Variants in LINGO2 observed in about 807,000 individuals in gnomAD.
LINGO2 encodes the protein leucine-rich repeat and immunoglobulin-like domain-containing nogo receptor-interacting protein 2.
A neutral mutation model predicts 30.6 loss-of-function variants in LINGO2; 14 were observed. That is an observed-to-expected ratio of 0.46 (90% CI 0.30 to 0.72). LINGO2 has a LOEUF of 0.72. Among genes scored for constraint, LINGO2 ranks in the 30% least tolerant of loss-of-function variants. The pLI is 0.07. For synonymous variants in LINGO2, 317 were observed against 288.5 expected (o/e 1.10, Z -1.00); for missense variants, 729 against 751.7 (o/e 0.97, Z 0.35).
intron 2 of LINGO2, among the ~76,000 whole-genome samples, chr9:28,434,204 T>C (rs1418215717): frequency 1.3e-5 from 2 of 151,292 alleles, no homozygotes; most frequent in African/African-American, 4.9e-5. Flanking sequence ...CTATGGGTTG[T>C]GGGAAGAGAG....
chr9:28,861,333 A>G, the LINGO2 span, among the ~76,000 whole-genome samples: 1 of 131,460 alleles, frequency 7.6e-6, no homozygotes, highest in Non-Finnish European at 1.6e-5. Context: ...TATATAATAT[A>G]TATTATTAAT....
intron 2 of LINGO2, among the ~76,000 whole-genome samples, chr9:28,386,514 C>T (rs559253105): frequency 1.3e-5 from 2 of 152,144 alleles, no homozygotes; most frequent in East Asian, 3.9e-4. Context: ...AGGGAATGTT[C>T]ATTATTCTGT....
intron 1 of LINGO2, among the ~76,000 whole-genome samples, chr9:28,540,086 C>G (rs773289603): frequency 6.6e-6 from 1 of 152,058 alleles, no homozygotes; most frequent in Non-Finnish European, 1.5e-5. Flanking sequence ...TAAAAGACAT[C>G]GCACAACTCT....
the LINGO2 span, among the ~76,000 whole-genome samples, chr9:28,750,299 T>C: frequency 1.3e-5 from 2 of 152,186 alleles, no homozygotes; most frequent in African/African-American, 4.8e-5. Context: ...CCCAGTCCCA[T>C]ATTCTGCAGA....
the LINGO2 span, among the ~76,000 whole-genome samples, chr9:29,125,718 C>T: frequency 1.4e-4 from 21 of 152,134 alleles, no homozygotes; most frequent in South Asian, 3.3e-3. Context: ...ATTAATTAAA[C>T]TGTGGAAGAC....
In LINGO2 at chr9:28,047,778, T is replaced by C. The variant is rs796166371; in HGVS notation, c.-86-35373A>G. Reference sequence around the variant, plus strand: ...AAAAGCAATAGAACACTTAAAATTATACTGAACAAGAAAAGAGCAAAGTAT... The same window carrying C: ...AAAAGCAATAGAACACTTAAAATTACACTGAACAAGAAAAGAGCAAAGTAT... On this transcript the variant is annotated intron_variant, in intron 4 of 5. Transcript: ENST00000379992. Among the ~76,000 whole-genome samples, 7 of 132,672 alleles carry C rather than the reference T, an allele frequency of 5.3e-5. 1 individual carries two copies. The highest frequency in any genetic ancestry group is 1.6e-4 in the African/African-American group (6 of 37,366). The allele number at this position is 132,672 out of a possible 152,430, so 87.0% of individuals were successfully genotyped here. A position where few individuals can be genotyped will look rare whatever the true frequency, so the allele number is the denominator to read the frequency against.
chr9:28,829,287 G>A, the LINGO2 span, among the ~76,000 whole-genome samples: 1 of 152,064 alleles, frequency 6.6e-6, no homozygotes, highest in Non-Finnish European at 1.5e-5. Flanking sequence ...CACTTACATT[G>A]GCAATAAAAT....
intron 1 of LINGO2, among the ~76,000 whole-genome samples, chr9:28,577,883 C>A (rs1346188190): frequency 6.6e-6 from 1 of 152,106 alleles, no homozygotes; most frequent in Non-Finnish European, 1.5e-5. Context: ...CAGATTTTCA[C>A]CCAGCAGCTA....
intron 2 of LINGO2, among the ~76,000 whole-genome samples, chr9:28,473,515 A>G (rs894374641): frequency 3.9e-5 from 6 of 151,968 alleles, no homozygotes; most frequent in East Asian, 1.9e-4. Flanking sequence ...TTTTGGGACT[A>G]TATCTCTTTC....
intron 1 of LINGO2, among the ~76,000 whole-genome samples, chr9:28,550,407 T>C (rs1484620164): frequency 1.3e-5 from 2 of 151,918 alleles, no homozygotes; most frequent in East Asian, 3.8e-4. Context: ...TTAAATTAAC[T>C]GAGTTTTATT....
the LINGO2 span, among the ~76,000 whole-genome samples, chr9:29,187,099 T>G: frequency 6.6e-6 from 1 of 152,156 alleles, no homozygotes; most frequent in East Asian, 1.9e-4. Context: ...AGAGCTAAAA[T>G]CTGAACCAAG....
chr9:28,486,794 A>G (rs1018355850), intron 1 of LINGO2, among the ~76,000 whole-genome samples: 3 of 152,162 alleles, frequency 2.0e-5, no homozygotes, highest in African/African-American at 4.8e-5. Context: ...TGGAATTTTA[A>G]AAATAATAAT....
At chr9:28,352,572 C>G (rs1039950253) in intron 3 of LINGO2, among the ~76,000 whole-genome samples, 4 of 138,690 alleles carry the variant, frequency 2.9e-5, no homozygotes, top group African/African-American at 1.1e-4. Flanking sequence ...AATGGCCATA[C>G]TGCCCAAGGT....
chr9:28,083,241 C>T (rs1825821856), intron 4 of LINGO2, among the ~76,000 whole-genome samples: 2 of 152,166 alleles, frequency 1.3e-5, no homozygotes, highest in Non-Finnish European at 2.9e-5. Context: ...TCTGGGAAAG[C>T]CCTGTAGGGC....
At chr9:29,063,634 A>G in the LINGO2 span, among the ~76,000 whole-genome samples, 8 of 151,978 alleles carry the variant, frequency 5.3e-5, no homozygotes, top group African/African-American at 1.7e-4. Context: ...ATCTGACCTC[A>G]GGTAATCTGC....
At chr9:28,914,452 T>C in the LINGO2 span, among the ~76,000 whole-genome samples, 1 of 152,194 alleles carries the variant, frequency 6.6e-6, no homozygotes, top group Non-Finnish European at 1.5e-5. Context: ...TAGACCATTT[T>C]CTTATGCAAA....
rs554370326 is a variant in LINGO2, at chr9:27,976,113, G to A, written c.-35-25407C>T. Among the ~76,000 whole-genome samples, 4 of 152,204 alleles carry A rather than the reference G, an allele frequency of 2.6e-5. No individual in the cohort carries two copies. The East Asian group carries it at 7.8e-4, about 30-fold the overall frequency. ...CCTCAATTTTACCTTTGTAAAATGG[G>A]ATACTAACAGTACCTACTTCATAAA... On this transcript the variant is annotated intron_variant, in intron 5 of 5. Coordinates refer to ENST00000379992, the Ensembl canonical transcript of LINGO2.
the LINGO2 span, among the ~76,000 whole-genome samples, chr9:28,725,288 G>A: frequency 4.6e-5 from 7 of 151,500 alleles, no homozygotes; most frequent in African/African-American, 7.3e-5. Context: ...AAGAAAACAA[G>A]CAATCCTAAT....
the LINGO2 span, among the ~76,000 whole-genome samples, chr9:28,987,033 T>A: frequency 6.6e-6 from 1 of 151,364 alleles, no homozygotes; most frequent in African/African-American, 2.4e-5. Context: ...TGACTTTGTA[T>A]CCTGTAATAT....
Sources: allele counts gnomAD v4.1 joint callset (sites outside exome capture counted in the v4.1 genomes callset), GRCh38; gene constraint gnomAD v4.1.1; transcripts MANE v1.5; gene names NCBI Gene and HGNC (gene_info 2026-07-23, HGNC 2026-07-21).